Variants in XYLT1 observed in about 807,000 individuals in gnomAD.
XYLT1 encodes xylosyltransferase 1.
Under a neutral mutation model 91.3 loss-of-function variants are expected in XYLT1, and 36 were observed. The ratio of observed to expected loss-of-function variants is 0.39; its 90% CI spans 0.30 to 0.52. The LOEUF is 0.52. XYLT1 is among the 20% of genes least tolerant of loss of function. XYLT1 has a pLI of 0.68. For synonymous variants in XYLT1, 588 were observed against 532.0 expected (o/e 1.11, Z -1.45); for missense variants, 1,242 against 1,284.5 (o/e 0.97, Z 0.51).
chr16:17,320,502 ACT>A (rs2034699992), intron 2 of XYLT1, among the ~76,000 whole-genome samples: 1 of 126,296 alleles, frequency 7.9e-6, no homozygotes, highest in Non-Finnish European at 1.6e-5. Flanking sequence ...TTTTTTTGAG[ACT>A]GAGTCTTGCT....
At chr16:17,450,019 T>C (rs1326637073) in intron 1 of XYLT1, among the ~76,000 whole-genome samples, 1 of 152,204 alleles carries the variant, frequency 6.6e-6, no homozygotes, top group Non-Finnish European at 1.5e-5. Context: ...CAAGACCAGC[T>C]ATGATGGTGA....
chr16:17,127,571 C>CCTCCAT (rs1414449627), intron 10 of XYLT1, 95 bp downstream of exon 10: 1 of 1,427,562 alleles, frequency 7.0e-7, no homozygotes, highest in African/African-American at 1.4e-5. Flanking sequence ...GTCCTCTTCT[C>CCTCCAT]CTCCATCTCC....
chr16:17,405,423 T>C (rs2036020864), intron 1 of XYLT1, among the ~76,000 whole-genome samples: 1 of 152,146 alleles, frequency 6.6e-6, no homozygotes, highest in Non-Finnish European at 1.5e-5. Context: ...AGCGGCTGAC[T>C]TTCCATTCGC....
chr16:17,164,061 A>AAAAAAAAAG, intron 5 of XYLT1, among the ~76,000 whole-genome samples: 1 of 148,894 alleles, frequency 6.7e-6, no homozygotes, highest in African/African-American at 2.4e-5. Context: ...AAAAAAAAAA[A>AAAAAAAAAG]AAAAAAAAGA....
intron 3 of XYLT1, among the ~76,000 whole-genome samples, chr16:17,246,603 C>T (rs999727746): frequency 6.6e-6 from 1 of 152,174 alleles, no homozygotes; most frequent in Non-Finnish European, 1.5e-5. Context: ...TCAGTTTCTT[C>T]GTCTGTTCAA....
At chr16:17,418,546 TA>T (rs11364108) in intron 1 of XYLT1, among the ~76,000 whole-genome samples, 22,428 of 149,450 alleles carry the variant, frequency 0.15, 1,833 homozygotes, top group African/African-American at 0.21. Flanking sequence ...AGTTCAGAGT[TA>T]AAAAAAAAAG....
At chr16:17,412,034 G>C (rs2036115846) in intron 1 of XYLT1, among the ~76,000 whole-genome samples, 1 of 152,066 alleles carries the variant, frequency 6.6e-6, no homozygotes, top group African/African-American at 2.4e-5. Flanking sequence ...GGGCATAAAA[G>C]GGGGAACAAG....
chr16:17,223,374 G>A (rs957434295), intron 3 of XYLT1, among the ~76,000 whole-genome samples: 1 of 152,272 alleles, frequency 6.6e-6, no homozygotes, highest in African/African-American at 2.4e-5. Context: ...GGCAATCAGA[G>A]TGGTTGAGGC....
At chr16:17,398,914 G>A (rs2035927460) in intron 1 of XYLT1, among the ~76,000 whole-genome samples, 2 of 146,944 alleles carry the variant, frequency 1.4e-5, no homozygotes, top group African/African-American at 2.5e-5. Flanking sequence ...GCTCGATCTC[G>A]GCTCATTGCA....
chr16:17,137,266 A>G (rs1025511697), intron 8 of XYLT1, among the ~76,000 whole-genome samples: 54 of 152,114 alleles, frequency 3.5e-4, no homozygotes, highest in African/African-American at 1.1e-3. Flanking sequence ...CTGAACAATA[A>G]AAGTGATGTC....
At chr16:17,435,362 A>G (rs2036443333) in intron 1 of XYLT1, among the ~76,000 whole-genome samples, 2 of 152,194 alleles carry the variant, frequency 1.3e-5, no homozygotes, top group Admixed American at 1.3e-4. Context: ...GGCCTTCTGG[A>G]ACCTTCTTTT....
intron 1 of XYLT1, among the ~76,000 whole-genome samples, chr16:17,453,548 T>C (rs2036695630): frequency 6.6e-6 from 1 of 152,192 alleles, no homozygotes; most frequent in Admixed American, 6.5e-5. Flanking sequence ...TTCTAAACAA[T>C]GCTGACAACG....
chr16:17,179,728 T>C (rs1173409401), intron 5 of XYLT1, among the ~76,000 whole-genome samples: 1 of 152,238 alleles, frequency 6.6e-6, no homozygotes, highest in Non-Finnish European at 1.5e-5. Flanking sequence ...TGTTGCCTTG[T>C]TAATATTTTC....
intron 11 of XYLT1, among the ~76,000 whole-genome samples, chr16:17,114,842 T>C (rs915616023): frequency 6.6e-5 from 10 of 152,100 alleles, no homozygotes; most frequent in African/African-American, 2.4e-4. Context: ...TTTTTCTTTT[T>C]TGTTTTTGTT....
intron 2 of XYLT1, among the ~76,000 whole-genome samples, chr16:17,276,814 G>A (rs2033983806): frequency 6.6e-6 from 1 of 152,168 alleles, no homozygotes; most frequent in Non-Finnish European, 1.5e-5. Context: ...GTGTGACCTA[G>A]GGAAAGTCGT....
intron 1 of XYLT1, among the ~76,000 whole-genome samples, chr16:17,372,184 T>G (rs183630301): frequency 3.3e-5 from 5 of 152,354 alleles, no homozygotes; most frequent in Non-Finnish European, 5.9e-5. Context: ...TTATAATTAT[T>G]CACGCAGGAG....
chr16:17,372,079 G>A (rs1377178515), intron 1 of XYLT1, among the ~76,000 whole-genome samples: 1 of 152,192 alleles, frequency 6.6e-6, no homozygotes, highest in Non-Finnish European at 1.5e-5. Context: ...CTTCAGACAA[G>A]ATTCCACTAA....
chr16:17,259,306 G>A lies in XYLT1; in HGVS notation c.595C>T (p.Gln199Ter). 1 of 1,614,154 alleles carries A rather than the reference G, an allele frequency of 6.2e-7. No individual in the cohort carries two copies. The highest frequency in any genetic ancestry group is 8.5e-7 in the Non-Finnish European group (1 of 1,180,036). Residue 199 changes from glutamine to a stop codon, truncating the protein, a stop_gained, in exon 3 of 12, where the codon CAG becomes TAG. Coordinates refer to ENST00000261381, the MANE Select transcript of XYLT1 (RefSeq NM_022166.4). LOFTEE classifies it high-confidence loss of function. ...QKELLKRKLEQQEKGKGHTFP... is the reference protein window; with the variant it reads ...QKELLKRKLE The stretch of plus-strand genomic sequence containing the variant: ...GTATGTCCTTTTCCTTTCTCCTGCT[G>A]TTCCAGCTTCCTTTTCAAAAGCTCC...
At chr16:17,147,285 A>G (rs932789185) in intron 6 of XYLT1, among the ~76,000 whole-genome samples, 1 of 152,234 alleles carries the variant, frequency 6.6e-6, no homozygotes, top group South Asian at 2.1e-4. Context: ...GCACTTAACC[A>G]TGCTTGAAAC....
Sources: gnomAD v4.1 joint callset for allele counts (sites outside exome capture counted in the v4.1 genomes callset) on GRCh38, gnomAD v4.1.1 for gene constraint, MANE v1.5 for transcripts, NCBI Gene and HGNC (gene_info 2026-07-23, HGNC 2026-07-21) for gene names.